AGAP9: variants seen among roughly 807,000 people sequenced by gnomAD.
AGAP9 encodes the protein arf-GAP with GTPase, ANK repeat and PH domain-containing protein 9.
In AGAP9, 23 loss-of-function variants were observed where a neutral mutation model predicts 55.6. The observed-to-expected ratio is 0.41, with a 90% confidence interval of 0.30 to 0.59. The LOEUF is 0.59. Ranked by LOEUF, AGAP9 falls within the 20% of genes least tolerant of loss-of-function variation. The pLI is 0.25. For missense variants in AGAP9, 309 were observed against 808.1 expected, an observed-to-expected ratio of 0.38 and a Z score of 7.49; for synonymous variants, 120 against 305.0, an observed-to-expected ratio of 0.39 and a Z score of 6.32.
intron 2 of AGAP9, among the ~76,000 whole-genome samples, chr10:47,521,931 C>A (rs2132500839): frequency 6.7e-6 from 1 of 150,236 alleles, no homozygotes; most frequent in Admixed American, 6.6e-5. Flanking sequence ...CAGTCATGCG[C>A]CACTACGCCC....
In AGAP9 at chr10:47,506,532, G is replaced by A. The variant is rs1840482242; in HGVS notation, c.533+1016C>T. Among the ~76,000 whole-genome samples, 2 of 141,292 alleles carry A rather than the reference G, an allele frequency of 1.4e-5. 1 individual carries two copies. The highest frequency in any genetic ancestry group is 5.8e-4 in the East Asian group (2 of 3,454). 92.7% of individuals were successfully genotyped at this position (141,292 alleles called of 152,430 possible). On this transcript the variant is annotated intron_variant, in intron 6 of 7. Coordinates refer to ENST00000452145, the MANE Select transcript of AGAP9 (RefSeq NM_001190810.1). ...TTTCAGTAGAGGCGGGTTTTACCAT[G>A]TTGGTCGGGCTGGTCTCAAACTCCT... is the stretch of plus-strand genomic sequence containing the variant.
At position 47,516,663 on chromosome 10, in the gene AGAP9, G is replaced by A. The variant is rs1434899433; in HGVS notation, c.396+1160C>T. Among the ~76,000 whole-genome samples the A allele has an allele frequency of 5.9e-4, 81 of 136,294 alleles. 19 individuals carry two copies. The highest frequency in any genetic ancestry group is 2.1e-3 in the African/African-American group (72 of 34,816). The allele number at this position is 136,294 out of a possible 152,430, so 89.4% of individuals were successfully genotyped here. On this transcript the variant is annotated intron_variant, in intron 4 of 7. Transcript: ENST00000452145. ...ATTGAGCATATCTAGGGAAACCCACGCTATATTGAACTAGGATGACAAAAG... is the reference window on the plus strand; with the variant it reads ...ATTGAGCATATCTAGGGAAACCCACACTATATTGAACTAGGATGACAAAAG...
In AGAP9 at chr10:47,502,786, G is replaced by A; in HGVS notation, c.1343C>T (p.Ser448Leu). 6.4e-7 allele frequency: 1 copy of A among 1,570,748 alleles called. No homozygotes were observed. The highest frequency in any genetic ancestry group is 8.7e-7 in the Non-Finnish European group (1 of 1,152,370). Residue 448 changes from serine (S) to leucine (L), a missense_variant, in exon 8 of 8, where the codon TCA (serine) becomes TTA (leucine). Coordinates refer to ENST00000452145, the MANE Select transcript of AGAP9 (RefSeq NM_001190810.1). The stretch of plus-strand genomic sequence containing the variant: ...GGACTTGCTTTTACTGCTCTTGCAT[G>A]ACTGCAGGCTGGCCAGGATCTGGCT... ...IQSQILASLQ[S>L]CKSSKSKSQL... is the part of the protein sequence containing the mutation.
chr10:47,503,872 A>G (rs1370963725), intron 7 of AGAP9, among the ~76,000 whole-genome samples: 3 of 98,098 alleles, frequency 3.1e-5, no homozygotes, highest in Non-Finnish European at 5.6e-5. Context: ...CCTGGGAGGC[A>G]GAGCCTGCAG....
At chr10:47,514,377 ATATCATGTTCTC>A (rs1196419611) in intron 4 of AGAP9, among the ~76,000 whole-genome samples, 1 of 147,582 alleles carries the variant, frequency 6.8e-6, no homozygotes, top group Admixed American at 6.7e-5. Flanking sequence ...GGAAAACCAA[ATATCATGTTCTC>A]TTTCCTACGT....
rs1840363368 is a variant in AGAP9, at chr10:47,502,168, G to A, written c.1961C>T (p.Thr654Met). ...GGGCGTAGGTCAGCGCTGTGTTCCC[G>A]TGGGCATCTCGGGCCATGACGTCCA... ...TGWTSWPEMP[T>M]GTQR is the part of the protein sequence containing the mutation. The change falls in exon 8 of 8, where the codon ACG becomes ATG. Residue 654 changes from threonine (T) to methionine (M), a missense_variant. Physicochemically the swap from Thr to Met is moderately conservative, Grantham distance 81. Transcript: ENST00000452145. The A allele has an allele frequency of 3.1e-5, 48 of 1,558,430 alleles. 5 individuals carry two copies. In the East Asian group the frequency reaches 9.1e-4, roughly 30 times the overall value.
At chr10:47,521,797 G>C (rs1400332236) in intron 2 of AGAP9, among the ~76,000 whole-genome samples, 36 of 149,466 alleles carry the variant, frequency 2.4e-4, no homozygotes, top group Admixed American at 1.7e-3. Context: ...TTTTTTTTTT[G>C]TGAGACGGAG....
chr10:47,502,125 C>T lies in AGAP9; in HGVS notation c.*27G>A. The T allele has an allele frequency of 6.4e-7, 1 of 1,574,462 alleles. No homozygotes were observed. The highest frequency in any genetic ancestry group is 8.6e-7 in the Non-Finnish European group (1 of 1,157,816). On this transcript the variant is annotated 3_prime_UTR_variant, in exon 8 of 8. Transcript: ENST00000452145. The stretch of plus-strand genomic sequence containing the variant: ...TACTGCAGAAGCACGTTGATGCACT[C>T]CTGGCTGGAGGCCTGCCGGGCGTAG...
intron 5 of AGAP9, 137 bp downstream of exon 5, chr10:47,510,034 T>C (rs1338584215): frequency 2.9e-5 from 42 of 1,467,664 alleles, no homozygotes; most frequent in Middle Eastern, 2.6e-4. Flanking sequence ...GAGAAACTGA[T>C]ACTTAATATT....
chr10:47,511,093 A>T (rs2489764), intron 4 of AGAP9, among the ~76,000 whole-genome samples: 2 of 118,952 alleles, frequency 1.7e-5, no homozygotes, highest in African/African-American at 3.6e-5. Context: ...ACAGGCGCCC[A>T]CCACCATGCC....
chr10:47,522,113 C>G (rs1217250718), intron 2 of AGAP9, among the ~76,000 whole-genome samples: 4 of 147,592 alleles, frequency 2.7e-5, no homozygotes, highest in Non-Finnish European at 6.0e-5. Flanking sequence ...TATCTTTGAA[C>G]AAGATGCTAT....
intron 2 of AGAP9, among the ~76,000 whole-genome samples, chr10:47,521,893 G>A (rs1471503518): frequency 7.6e-4 from 114 of 149,600 alleles, no homozygotes; most frequent in African/African-American, 2.6e-3. Context: ...CAATTCTCCC[G>A]CCTCAGCCTT....
intron 4 of AGAP9, among the ~76,000 whole-genome samples, chr10:47,510,980 G>C (rs1375095166): frequency 1.5e-5 from 2 of 129,570 alleles, no homozygotes; most frequent in Non-Finnish European, 3.2e-5. Flanking sequence ...GTCTCGCTCT[G>C]TAGCCCAGGC....
At position 47,502,480 on chromosome 10, in the gene AGAP9, C is replaced by G; in HGVS notation, c.1649G>C (p.Gly550Ala). 1 of 1,612,958 alleles carries G rather than the reference C, an allele frequency of 6.2e-7. No individual in the cohort carries two copies. Among genetic ancestry groups the G allele is most frequent in the Non-Finnish European group, 8.5e-7 (1 of 1,179,956 alleles). ...ANSIWEGSSQGQTKPSIKSTR... is the reference protein window; with the variant it reads ...ANSIWEGSSQAQTKPSIKSTR... ...GGACTTTATTGAGGGTTTTGTCTGCCCCTGGCTGCTCCCTTCCCAGATGCT... is the reference window on the plus strand; with the variant it reads ...GGACTTTATTGAGGGTTTTGTCTGCGCCTGGCTGCTCCCTTCCCAGATGCT... Residue 550 changes from glycine to alanine, a missense_variant, in exon 8 of 8, where the codon GGG (glycine) becomes GCG (alanine). Transcript: ENST00000452145.
At chr10:47,519,335 G>A (rs1840775564) in intron 3 of AGAP9, among the ~76,000 whole-genome samples, 1 of 112,898 alleles carries the variant, frequency 8.9e-6, no homozygotes, top group African/African-American at 3.6e-5. Flanking sequence ...AGGTGTTATG[G>A]TGCCCACCTA....
intron 4 of AGAP9, among the ~76,000 whole-genome samples, chr10:47,515,968 A>G (rs1251080573): frequency 7.6e-6 from 1 of 132,080 alleles, no homozygotes; most frequent in Non-Finnish European, 1.6e-5. Flanking sequence ...AAAGGAATTG[A>G]TAGGACCAGT....
Position 47,502,358 on chromosome 10 carries a change from G to C in AGAP9, c.1771C>G (p.Leu591Val). 1 of 1,608,306 alleles carries C rather than the reference G, an allele frequency of 6.2e-7. No individual in the cohort carries two copies. The highest frequency in any genetic ancestry group is 8.5e-7 in the Non-Finnish European group (1 of 1,179,248). Residue 591 changes from leucine to valine, a missense_variant, in exon 8 of 8, where the codon CTG (leucine) becomes GTG (valine). Leu to Val is a conservative substitution (Grantham distance 32). Transcript: ENST00000452145. ...TCCTCATCAGTGGTGGCCCGCAGCA[G>C]CTGCTGGCCCAGGGACAGCTCAGTG... Reference protein sequence around the residue: ...PCTELSLGQQLLRATTDEDLQ... With the variant: ...PCTELSLGQQVLRATTDEDLQ...
Position 47,513,043 on chromosome 10 carries a change from TA to T in AGAP9, c.397-2773del, listed in dbSNP as rs1424429793. 2.3e-5 allele frequency among the ~76,000 whole-genome samples: 3 copies of T among 132,990 alleles called. 1 individual carries two copies. Among genetic ancestry groups the T allele is most frequent in the African/African-American group, 9.4e-5 (3 of 31,792 alleles). The allele number at this position is 132,990 out of a possible 152,430, so 87.2% of individuals were successfully genotyped here. A position where few individuals can be genotyped will look rare whatever the true frequency, so the allele number is the denominator to read the frequency against. On this transcript the variant is annotated intron_variant, in intron 4 of 7. Coordinates refer to ENST00000452145, the MANE Select transcript of AGAP9 (RefSeq NM_001190810.1). The stretch of plus-strand genomic sequence containing the variant: ...TGATCATGGTGGATTATCTTTTTTT[TA>T]TTTTTTGAGATGGAGTCTTGCTCTG...
rs1370456896 is a variant in AGAP9, at chr10:47,502,289, C to T, written c.1840G>A (p.Glu614Lys). The change falls in exon 8 of 8, where the codon GAG becomes AAG. Residue 614 changes from glutamate (E) to lysine (K), a missense_variant. Transcript: ENST00000452145. ...CCCTCCCCACAGGTCTCGTTCACCT[C>T]CTCACGGGAGCCATGTGCCAGCAGC... ...ILLLAHGSREEVNETCGEGDG... is the reference protein window; with the variant it reads ...ILLLAHGSREKVNETCGEGDG... 1 of 1,601,046 alleles carries T rather than the reference C, an allele frequency of 6.2e-7. No individual in the cohort carries two copies. Among genetic ancestry groups the T allele is most frequent in the Admixed American group, 1.7e-5 (1 of 58,872 alleles).
Sources: gnomAD v4.1 joint callset for allele counts (sites outside exome capture counted in the v4.1 genomes callset) on GRCh38, gnomAD v4.1.1 for gene constraint, MANE v1.5 for transcripts, NCBI Gene and HGNC (gene_info 2026-07-23, HGNC 2026-07-21) for gene names.